SGCD: variants seen among roughly 807,000 people sequenced by gnomAD.
The protein encoded by SGCD is delta-sarcoglycan.
Under a neutral mutation model 36.6 loss-of-function variants are expected in SGCD, and 18 were observed. That is an observed-to-expected ratio of 0.49 (90% CI 0.34 to 0.73). The LOEUF (loss-of-function observed/expected upper bound fraction) is 0.73. SGCD is among the 30% of genes least tolerant of loss of function. The probability of loss-of-function intolerance (pLI) is 0.01; values close to 1 mark genes in which losing one functional copy is unlikely to be tolerated. For synonymous variants in SGCD, 133 were observed against 130.6 expected (o/e 1.02, Z -0.12); for missense variants, 387 against 346.7 (o/e 1.12, Z -0.92).
chr5:156,145,556 T>C (rs906503811), intron 3 of SGCD, among the ~76,000 whole-genome samples: 2 of 152,210 alleles, frequency 1.3e-5, no homozygotes, highest in Non-Finnish European at 2.9e-5. Context: ...AAATTAAGAA[T>C]GAATTTTATG....
chr5:156,634,778 T>C (rs146829360), intron 6 of SGCD, among the ~76,000 whole-genome samples: 1 of 152,196 alleles, frequency 6.6e-6, no homozygotes, highest in Non-Finnish European at 1.5e-5. Context: ...TGGAAACAAC[T>C]AAACAAACAT....
chr5:156,347,292 A>G (rs1473586851), intron 3 of SGCD, among the ~76,000 whole-genome samples: 1 of 152,196 alleles, frequency 6.6e-6, no homozygotes, highest in Non-Finnish European at 1.5e-5. Flanking sequence ...CACAATTGCC[A>G]TCTGTCGATG....
intron 3 of SGCD, among the ~76,000 whole-genome samples, chr5:156,361,970 A>G (rs1295639704): frequency 6.6e-6 from 1 of 152,214 alleles, no homozygotes; most frequent in Admixed American, 6.5e-5. Context: ...AGCCTAAAGG[A>G]ATGATACTGA....
At chr5:156,675,793 G>A (rs901742302) in intron 7 of SGCD, among the ~76,000 whole-genome samples, 14 of 152,152 alleles carry the variant, frequency 9.2e-5, no homozygotes, top group African/African-American at 3.4e-4. Flanking sequence ...AAAAAGAATA[G>A]AATTTAAATA....
At chr5:156,756,805 T>C (rs550886702) in intron 7 of SGCD, among the ~76,000 whole-genome samples, 4 of 152,154 alleles carry the variant, frequency 2.6e-5, no homozygotes, top group African/African-American at 9.6e-5. Context: ...AAACATGTTT[T>C]CCTTATGCTG....
chr5:156,591,908 C>T (rs753917746), intron 5 of SGCD, among the ~76,000 whole-genome samples: 3 of 152,156 alleles, frequency 2.0e-5, no homozygotes, highest in Non-Finnish European at 4.4e-5. Flanking sequence ...CCAGCAGTTG[C>T]TCTGTGGGGT....
At chr5:156,460,321 G>C (rs1754431526) in intron 3 of SGCD, among the ~76,000 whole-genome samples, 1 of 152,068 alleles carries the variant, frequency 6.6e-6, no homozygotes, top group Admixed American at 6.6e-5. Flanking sequence ...ATATAGCCCT[G>C]CCTTTTAAAG....
chr5:155,828,890 T>G, the SGCD span, among the ~76,000 whole-genome samples: 6 of 152,116 alleles, frequency 3.9e-5, no homozygotes, highest in Non-Finnish European at 7.4e-5. Flanking sequence ...TTTCACCATG[T>G]TGGTCAGGCT....
intron 1 of SGCD, among the ~76,000 whole-genome samples, chr5:155,952,475 T>C (rs1757567222): frequency 6.6e-6 from 1 of 152,142 alleles, no homozygotes; most frequent in South Asian, 2.1e-4. Context: ...ATTTTCTTGG[T>C]CACATTATAA....
At chr5:156,497,411 A>G (rs764492460) in intron 3 of SGCD, among the ~76,000 whole-genome samples, 3 of 152,122 alleles carry the variant, frequency 2.0e-5, no homozygotes, top group Non-Finnish European at 2.9e-5. Flanking sequence ...AGTGTAGAGC[A>G]AAGAATTCCT....
intron 7 of SGCD, among the ~76,000 whole-genome samples, chr5:156,700,025 G>C (rs902095245): frequency 6.6e-6 from 1 of 152,172 alleles, no homozygotes; most frequent in Admixed American, 6.5e-5. Flanking sequence ...AGTCCAATCT[G>C]GTTGGAATGT....
chr5:156,488,078 A>G (rs1231722540), intron 3 of SGCD, among the ~76,000 whole-genome samples: 2 of 143,668 alleles, frequency 1.4e-5, no homozygotes, highest in South Asian at 2.2e-4. Flanking sequence ...AGAAGAAAGA[A>G]CTTCTGAACT....
At chr5:156,624,757 C>A (rs1762381547) in intron 6 of SGCD, among the ~76,000 whole-genome samples, 1 of 152,116 alleles carries the variant, frequency 6.6e-6, no homozygotes, top group Non-Finnish European at 1.5e-5. Flanking sequence ...ATTCTCTCCT[C>A]ATCCTTTTTC....
intron 7 of SGCD, among the ~76,000 whole-genome samples, chr5:156,699,467 TTTCAG>T (rs1472262272): frequency 6.6e-6 from 1 of 152,084 alleles, no homozygotes; most frequent in Non-Finnish European, 1.5e-5. Flanking sequence ...ACAATTGTGA[TTTCAG>T]TTCATTTTTT....
the SGCD span, among the ~76,000 whole-genome samples, chr5:155,782,529 CAG>C: frequency 1.3e-5 from 2 of 152,276 alleles, no homozygotes; most frequent in African/African-American, 2.4e-5. Flanking sequence ...GTAACTGTCT[CAG>C]GGGGGTGACA....
rs1297741500 is a variant in SGCD, at chr5:156,143,607, G to T, written c.-44+19588G>T. ...CAAGGCTTTGGGAGCCCATCCCTTG[G>T]ACCAGCATGCCCTGGATGTGGGACA... On this transcript the variant is annotated intron_variant, in intron 3 of 9. Coordinates refer to the SGCD transcript ENST00000517913. Among the ~76,000 whole-genome samples the T allele has an allele frequency of 2.0e-5, 3 of 152,318 alleles. No individual in the cohort carries two copies. In the East Asian group the frequency reaches 5.8e-4, roughly 29 times the overall value.
At position 156,127,676 on chromosome 5, in the gene SGCD, A is replaced by G. The variant is rs76388541; in HGVS notation, c.-44+3657A>G. Among the ~76,000 whole-genome samples the G allele has an allele frequency of 5.0e-3, 763 of 152,100 alleles. 5 individuals carry two copies. The highest frequency in any genetic ancestry group is 0.018 in the African/African-American group (735 of 41,514). On this transcript the variant is annotated intron_variant, in intron 3 of 9. Coordinates refer to the SGCD transcript ENST00000517913. ...AGTTCTGAAATAGGAACACATATAT[A>G]TAGTCAACTGACTTTTAACAAGAGC...
At chr5:156,692,138 C>T (rs1035352041) in intron 7 of SGCD, among the ~76,000 whole-genome samples, 1 of 152,166 alleles carries the variant, frequency 6.6e-6, no homozygotes, top group Non-Finnish European at 1.5e-5. Context: ...ACAGTATTTA[C>T]AATCCTAAGC....
intron 3 of SGCD, among the ~76,000 whole-genome samples, chr5:156,194,765 C>T (rs1261119206): frequency 6.6e-6 from 1 of 151,978 alleles, no homozygotes; most frequent in Non-Finnish European, 1.5e-5. Context: ...CTGTAGAGTT[C>T]TGGTTCTGCT....
Sources: allele counts gnomAD v4.1 joint callset (sites outside exome capture counted in the v4.1 genomes callset), GRCh38; gene constraint gnomAD v4.1.1; transcripts MANE v1.5; gene names NCBI Gene and HGNC (gene_info 2026-07-23, HGNC 2026-07-21).